CADM1: variants seen among roughly 807,000 people sequenced by gnomAD.
CADM1 encodes TSLC-1.
CADM1 carries 15 observed loss-of-function variants against 53.1 expected under a neutral mutation model. The ratio of observed to expected loss-of-function variants is 0.28; its 90% CI spans 0.19 to 0.44. The LOEUF (loss-of-function observed/expected upper bound fraction) is 0.44, where lower values mean the gene tolerates loss of function less well. Among genes scored for constraint, CADM1 ranks in the 20% least tolerant of loss-of-function variants. The pLI is 1.00. For missense variants in CADM1, 434 were observed against 611.3 expected, an observed-to-expected ratio of 0.71 and a Z score of 3.06; for synonymous variants, 281 against 243.0, an observed-to-expected ratio of 1.16 and a Z score of -1.45.
At chr11:115,445,876 T>C (rs772470775) in intron 1 of CADM1, 3 of 391,522 alleles carry the variant, frequency 7.7e-6, no homozygotes, top group South Asian at 5.6e-5. Flanking sequence ...GGTAATACAA[T>C]TATAACAATG....
intron 1 of CADM1, among the ~76,000 whole-genome samples, chr11:115,245,772 A>G (rs1942389203): frequency 6.6e-6 from 1 of 152,238 alleles, no homozygotes; most frequent in African/African-American, 2.4e-5. Context: ...AGTGTTCACT[A>G]CAAATCATTA....
chr11:115,432,015 G>A (rs1296742998), intron 1 of CADM1, among the ~76,000 whole-genome samples: 1 of 151,936 alleles, frequency 6.6e-6, no homozygotes, highest in African/African-American at 2.4e-5. Flanking sequence ...CGTGATCTCG[G>A]CTCACTGCAA....
At chr11:115,264,040 T>A (rs766610265) in intron 1 of CADM1, among the ~76,000 whole-genome samples, 7 of 152,294 alleles carry the variant, frequency 4.6e-5, no homozygotes, top group Non-Finnish European at 8.8e-5. Flanking sequence ...GAGAGTCAAA[T>A]TCTAACAGAC....
chr11:115,225,676 GCACTC>G (rs1941579752), intron 5 of CADM1, among the ~76,000 whole-genome samples: 1 of 152,134 alleles, frequency 6.6e-6, no homozygotes, highest in Non-Finnish European at 1.5e-5. Flanking sequence ...CCATATGGTA[GCACTC>G]CATTTTAAGG....
At chr11:115,353,005 G>A (rs1001630040) in intron 1 of CADM1, among the ~76,000 whole-genome samples, 2 of 152,190 alleles carry the variant, frequency 1.3e-5, no homozygotes, top group Non-Finnish European at 2.9e-5. Flanking sequence ...ATGCGAACTT[G>A]ATTTCTCTTG....
intron 1 of CADM1, among the ~76,000 whole-genome samples, chr11:115,264,996 C>T (rs1009437079): frequency 3.9e-5 from 6 of 152,060 alleles, no homozygotes; most frequent in Non-Finnish European, 7.4e-5. Flanking sequence ...GTGGGACACA[C>T]GCACACACTC....
chr11:115,349,120 T>C (rs1430049609), intron 1 of CADM1, among the ~76,000 whole-genome samples: 1 of 152,230 alleles, frequency 6.6e-6, no homozygotes, highest in Admixed American at 6.5e-5. Context: ...TTTGTATTTA[T>C]TTGTTAACTA....
intron 1 of CADM1, among the ~76,000 whole-genome samples, chr11:115,483,455 T>C (rs149520554): frequency 3.3e-5 from 5 of 152,302 alleles, no homozygotes; most frequent in South Asian, 4.1e-4. Context: ...TATTAATCTA[T>C]GCACTAGATG....
chr11:115,211,419 C>A (rs1436962028), intron 7 of CADM1, among the ~76,000 whole-genome samples: 1 of 150,222 alleles, frequency 6.7e-6, no homozygotes, highest in Non-Finnish European at 1.5e-5. Context: ...ATATCTACTA[C>A]TGAAAAGGAA....
At chr11:115,397,796 A>C (rs1266625923) in intron 1 of CADM1, 1 of 152,192 alleles carries the variant, frequency 6.6e-6, no homozygotes, top group Non-Finnish European at 1.5e-5. Flanking sequence ...TAATTGTAGA[A>C]CAGATTAACA....
chr11:115,313,650 C>A (rs1458713162), intron 1 of CADM1, among the ~76,000 whole-genome samples: 1 of 152,162 alleles, frequency 6.6e-6, no homozygotes, highest in Non-Finnish European at 1.5e-5. Context: ...ACAAGGCTGG[C>A]CTGCTCCTCT....
At chr11:115,436,334 GT>G (rs1948182194) in intron 1 of CADM1, among the ~76,000 whole-genome samples, 1 of 152,080 alleles carries the variant, frequency 6.6e-6, no homozygotes, top group South Asian at 2.1e-4. Context: ...TTTTCCAAAA[GT>G]GTTCCTGAAA....
At chr11:115,468,601 T>C (rs1486819017) in intron 1 of CADM1, among the ~76,000 whole-genome samples, 2 of 152,176 alleles carry the variant, frequency 1.3e-5, no homozygotes, top group South Asian at 4.1e-4. Context: ...GGTCTATGGA[T>C]AATGGAAGGG....
intron 1 of CADM1, among the ~76,000 whole-genome samples, chr11:115,295,891 T>C (rs891240637): frequency 1.3e-5 from 2 of 152,144 alleles, no homozygotes; most frequent in Non-Finnish European, 2.9e-5. Flanking sequence ...CTACAAATCT[T>C]CCTCATTTGT....
At chr11:115,329,881 T>A (rs1297149984) in intron 1 of CADM1, among the ~76,000 whole-genome samples, 1 of 151,262 alleles carries the variant, frequency 6.6e-6, no homozygotes, top group East Asian at 2.0e-4. Flanking sequence ...GACCATCTCC[T>A]CTCCAGCTAT....
In CADM1 at chr11:115,214,673, G is replaced by A; in HGVS notation, c.929C>T (p.Thr310Ile). 1.2e-6 allele frequency: 2 copies of A among 1,614,040 alleles called. No homozygotes were observed. The highest frequency in any genetic ancestry group is 2.2e-5 in the East Asian group (1 of 44,882). The change falls in exon 7 of 12, where the codon ACA becomes ATA. Residue 310 changes from threonine (T) to isoleucine (I), a missense_variant. Thr to Ile is a moderately conservative substitution (Grantham distance 89, BLOSUM62 -1). Transcript: ENST00000331581. The part of the protein sequence containing the change: ...INNLNKTDNG[T>I]YRCEASNIVG... ...TATGTTTGAAGCTTCACAGCGGTAT[G>A]TACCATTATCTGTTTTGTTTAGGTT...
At chr11:115,324,997 T>G (rs546021921) in intron 1 of CADM1, among the ~76,000 whole-genome samples, 1 of 152,198 alleles carries the variant, frequency 6.6e-6, no homozygotes, top group Non-Finnish European at 1.5e-5. Context: ...ATTAACAGTA[T>G]GAACAGCTTC....
rs562756544 is a variant in CADM1 at position 115,198,557 on chromosome 11, C to T, written c.1079-119G>A. Reference sequence around the variant, plus strand: ...ATATGAGCAAGCTTTCAAAGAACATCGCGTGACAAGCAATAATAAATGAAA... The same window carrying T: ...ATATGAGCAAGCTTTCAAAGAACATTGCGTGACAAGCAATAATAAATGAAA... On this transcript the variant is annotated intron_variant, in intron 8 of 11. Coordinates refer to ENST00000331581, the MANE Select transcript of CADM1 (RefSeq NM_001301043.2). 100 of 741,282 alleles carry T rather than the reference C, an allele frequency of 1.3e-4. No individual in the cohort carries two copies. In the African/African-American group the frequency reaches 1.5e-3, roughly 11 times the overall value. The allele number at this position is 741,282 out of a possible 1,614,324, so 45.9% of individuals were successfully genotyped here.
At chr11:115,491,170 C>A (rs1186123861) in intron 1 of CADM1, among the ~76,000 whole-genome samples, 2 of 151,926 alleles carry the variant, frequency 1.3e-5, no homozygotes, top group Non-Finnish European at 2.9e-5. Flanking sequence ...AAAAAGACAG[C>A]CGATCAGAAG....
Sources: gnomAD v4.1 joint callset for allele counts (sites outside exome capture counted in the v4.1 genomes callset) on GRCh38, gnomAD v4.1.1 for gene constraint, MANE v1.5 for transcripts, NCBI Gene and HGNC (gene_info 2026-07-23, HGNC 2026-07-21) for gene names.